The following TUSC3 variants were observed in gnomAD, a reference collection of about 807,000 sequenced individuals.
TUSC3 encodes the protein tumor suppressor candidate 3.
A neutral mutation model predicts 44.8 loss-of-function variants in TUSC3; 45 were observed. The ratio of observed to expected loss-of-function variants is 1.00; its 90% CI spans 0.79 to 1.29. The LOEUF (loss-of-function observed/expected upper bound fraction) is 1.29, where lower values mean the gene tolerates loss of function less well. TUSC3 is among the 50% of genes most tolerant of loss of function. The pLI is 0.00. For synonymous variants in TUSC3, 212 were observed against 152.9 expected (o/e 1.39, Z -2.85); for missense variants, 519 against 437.9 (o/e 1.19, Z -1.65).
chr8:15,464,684 A>G (rs1480639395), intron 1 of TUSC3, among the ~76,000 whole-genome samples: 1 of 152,184 alleles, frequency 6.6e-6, no homozygotes, highest in African/African-American at 2.4e-5. Flanking sequence ...TTTTAACCAA[A>G]ATGTATGATA....
chr8:15,738,471 G>C (rs1238803699), intron 7 of TUSC3, among the ~76,000 whole-genome samples: 1 of 152,000 alleles, frequency 6.6e-6, no homozygotes, highest in Non-Finnish European at 1.5e-5. Flanking sequence ...AGTTTTATTG[G>C]AACACAGAAA....
chr8:15,581,861 C>CCGTTGCTTT (rs1204024995), intron 1 of TUSC3, among the ~76,000 whole-genome samples: 1 of 92,268 alleles, frequency 1.1e-5, no homozygotes, highest in Non-Finnish European at 2.1e-5. Flanking sequence ...TGGAGCTTCC[C>CCGTTGCTTT]GTTTACCTAA....
At chr8:15,469,198 A>G (rs1263088601) in intron 1 of TUSC3, among the ~76,000 whole-genome samples, 1 of 152,220 alleles carries the variant, frequency 6.6e-6, no homozygotes, top group Non-Finnish European at 1.5e-5. Context: ...TTCTCTGTGA[A>G]AGACACTGTC....
chr8:15,471,648 G>A (rs1343828695), intron 1 of TUSC3, among the ~76,000 whole-genome samples: 6 of 144,738 alleles, frequency 4.1e-5, no homozygotes, highest in African/African-American at 1.5e-4. Context: ...ATGGAGTTTC[G>A]CTGTTTTCAC....
At chr8:15,555,582 C>A (rs1013312906) in intron 1 of TUSC3, among the ~76,000 whole-genome samples, 4 of 151,458 alleles carry the variant, frequency 2.6e-5, no homozygotes, top group Non-Finnish European at 5.9e-5. Context: ...GTATTACAGT[C>A]TTAAAATGAG....
At chr8:15,663,571 C>G (rs899599257) in intron 5 of TUSC3, among the ~76,000 whole-genome samples, 1 of 151,900 alleles carries the variant, frequency 6.6e-6, no homozygotes, top group African/African-American at 2.4e-5. Flanking sequence ...GAAATTCAGA[C>G]AGAACCTCTG....
chr8:15,638,140 C>A (rs1341775053), intron 2 of TUSC3, among the ~76,000 whole-genome samples: 1 of 152,112 alleles, frequency 6.6e-6, no homozygotes, highest in Non-Finnish European at 1.5e-5. Context: ...GAGATTCTGT[C>A]TTTCTTGGGG....
intron 6 of TUSC3, among the ~76,000 whole-genome samples, chr8:15,684,147 A>C (rs1479550843): frequency 6.6e-6 from 1 of 151,798 alleles, no homozygotes; most frequent in African/African-American, 2.4e-5. Flanking sequence ...CTGGTTTCTG[A>C]GATTTGGTGG....
chr8:15,769,230 T>C (rs541803739), downstream of TUSC3, among the ~76,000 whole-genome samples: 1 of 152,134 alleles, frequency 6.6e-6, no homozygotes, highest in East Asian at 1.9e-4. Context: ...AAAACAGATA[T>C]ATAGACCAAT....
intron 2 of TUSC3, among the ~76,000 whole-genome samples, chr8:15,646,277 A>T (rs1215600999): frequency 6.6e-6 from 1 of 152,102 alleles, no homozygotes; most frequent in Non-Finnish European, 1.5e-5. Context: ...TGAAACACAG[A>T]CTATTTGAGT....
chr8:15,529,226 C>G (rs1313103046), intron 2 of TUSC3, among the ~76,000 whole-genome samples: 1 of 152,110 alleles, frequency 6.6e-6, no homozygotes, highest in Non-Finnish European at 1.5e-5. Context: ...AAATCTTTTA[C>G]TAAGCAATTC....
rs185506382 is a variant in TUSC3 at position 15,751,083 on chromosome 8, A to G, written c.1028+2618A>G. 3.3e-5 allele frequency among the ~76,000 whole-genome samples: 5 copies of G among 152,210 alleles called. No homozygotes were observed. The East Asian group carries it at 9.7e-4, about 29-fold the overall frequency. ...TAACAGCTCTTCACAGTGCTCCATCATCTCCTGTGCTATTGTGTGGGTTTA... is the reference window on the plus strand; with the variant it reads ...TAACAGCTCTTCACAGTGCTCCATCGTCTCCTGTGCTATTGTGTGGGTTTA... On this transcript the variant is annotated intron_variant, in intron 9 of 10. Transcript: ENST00000503731.
chr8:15,646,033 C>G (rs1392615213), intron 2 of TUSC3, among the ~76,000 whole-genome samples: 1 of 152,026 alleles, frequency 6.6e-6, no homozygotes, highest in Non-Finnish European at 1.5e-5. Flanking sequence ...TGTACTAGAT[C>G]CTAGCCATTG....
the TUSC3 span, among the ~76,000 whole-genome samples, chr8:15,779,309 C>G: frequency 1.3e-5 from 2 of 152,108 alleles, no homozygotes; most frequent in African/African-American, 4.8e-5. Context: ...ATGTAGCAGT[C>G]CTCCCACCTG....
At chr8:15,602,341 C>G (rs931056815) in intron 1 of TUSC3, among the ~76,000 whole-genome samples, 1 of 151,618 alleles carries the variant, frequency 6.6e-6, no homozygotes, top group Non-Finnish European at 1.5e-5. Flanking sequence ...TTTGATTTGT[C>G]TGGACAAACT....
rs373855026 is a variant in TUSC3, at chr8:15,743,515, G to C, written c.863-23G>C. 2.0e-5 allele frequency: 32 copies of C among 1,613,000 alleles called. 1 individual carries two copies. In the Middle Eastern group the frequency reaches 6.6e-4, roughly 33 times the overall value. ...AGATTTTATTCACATCTATGTCTAC[G>C]GCTTCCTTGACAACTACTGCAGATG... On this transcript the variant is annotated intron_variant, in intron 7 of 10. Coordinates refer to ENST00000503731, the MANE Select transcript of TUSC3 (RefSeq NM_006765.4).
At chr8:15,847,184 C>G in the TUSC3 span, among the ~76,000 whole-genome samples, 1 of 152,112 alleles carries the variant, frequency 6.6e-6, no homozygotes, top group African/African-American at 2.4e-5. Context: ...AGGGGAAGGA[C>G]TTTGAACCCC....
At chr8:15,595,428 C>T (rs894675978) in intron 1 of TUSC3, among the ~76,000 whole-genome samples, 1 of 152,166 alleles carries the variant, frequency 6.6e-6, no homozygotes, top group Admixed American at 6.5e-5. Flanking sequence ...TACTCTCCCT[C>T]TCTGTGCTGT....
At chr8:15,717,941 C>G (rs1333093572) in intron 6 of TUSC3, among the ~76,000 whole-genome samples, 1 of 152,018 alleles carries the variant, frequency 6.6e-6, no homozygotes, top group East Asian at 1.9e-4. Flanking sequence ...CATGATTAGA[C>G]ATTTTTAAGT....
Sources: gnomAD v4.1 joint callset for allele counts (sites outside exome capture counted in the v4.1 genomes callset) on GRCh38, gnomAD v4.1.1 for gene constraint, MANE v1.5 for transcripts, NCBI Gene and HGNC (gene_info 2026-07-23, HGNC 2026-07-21) for gene names.